The following MRPS28 variants were observed in gnomAD, a reference collection of about 807,000 sequenced individuals.
MRPS28 encodes the protein small ribosomal subunit protein bS1m.
A neutral mutation model predicts 10.8 loss-of-function variants in MRPS28; 7 were observed. The ratio of observed to expected loss-of-function variants is 0.65; its 90% CI spans 0.37 to 1.22. The LOEUF is 1.22. MRPS28 is among the 50% of genes most tolerant of loss of function. The pLI is 0.02. For missense variants in MRPS28, 265 were observed against 232.9 expected, an observed-to-expected ratio of 1.14 and a Z score of -0.90; for synonymous variants, 121 against 93.3, an observed-to-expected ratio of 1.30 and a Z score of -1.71.
intron 2 of MRPS28, among the ~76,000 whole-genome samples, chr8:79,942,892 CTAAAAAA>C (rs1395215624): frequency 6.6e-6 from 1 of 151,784 alleles, no homozygotes; most frequent in African/African-American, 2.4e-5. Context: ...AGGGGAAATT[CTAAAAAA>C]TAAAAAATAA....
intron 1 of MRPS28, among the ~76,000 whole-genome samples, chr8:80,026,159 T>C (rs1014224094): frequency 6.6e-6 from 1 of 152,216 alleles, no homozygotes. Flanking sequence ...TTATTCATCT[T>C]GTAATCTCAC....
intron 2 of MRPS28, among the ~76,000 whole-genome samples, chr8:79,976,363 G>T (rs936810202): frequency 6.6e-6 from 1 of 152,134 alleles, no homozygotes; most frequent in Admixed American, 6.6e-5. Context: ...GATTACAGGC[G>T]TGAGCCACCG....
chr8:79,929,618 C>G (rs1806405281), intron 2 of MRPS28, among the ~76,000 whole-genome samples: 1 of 151,720 alleles, frequency 6.6e-6, no homozygotes, highest in Non-Finnish European at 1.5e-5. Flanking sequence ...GCCCCCACCC[C>G]CCCAAAAGCA....
At chr8:79,969,917 C>A (rs1298627032) in intron 2 of MRPS28, among the ~76,000 whole-genome samples, 1 of 152,150 alleles carries the variant, frequency 6.6e-6, no homozygotes, top group Admixed American at 6.5e-5. Context: ...CAGGAGTCAG[C>A]TCTTCTGCAG....
At chr8:80,027,937 G>A (rs1488323583) in intron 1 of MRPS28, among the ~76,000 whole-genome samples, 2 of 152,160 alleles carry the variant, frequency 1.3e-5, no homozygotes, top group Non-Finnish European at 2.9e-5. Flanking sequence ...GAGCTGGACT[G>A]AGAAAATCTA....
chr8:79,984,306 G>T (rs1808078045), intron 2 of MRPS28, among the ~76,000 whole-genome samples: 1 of 152,220 alleles, frequency 6.6e-6, no homozygotes, highest in Non-Finnish European at 1.5e-5. Flanking sequence ...ACCAGTACTA[G>T]CTACTGCATA....
chr8:79,954,197 G>A (rs1363459176), intron 2 of MRPS28, among the ~76,000 whole-genome samples: 1 of 151,990 alleles, frequency 6.6e-6, no homozygotes, highest in East Asian at 1.9e-4. Flanking sequence ...AGGCAATAGT[G>A]AGACCTCACC....
intron 1 of MRPS28, among the ~76,000 whole-genome samples, chr8:80,018,583 C>CA (rs1809269251): frequency 6.6e-6 from 1 of 151,998 alleles, no homozygotes; most frequent in Admixed American, 6.6e-5. Flanking sequence ...TGAAGTTCCA[C>CA]AAAAAACAAA....
chr8:80,028,664 C>CGGGGGGGGG (rs1278468176), intron 1 of MRPS28: 78 of 7,042 alleles, frequency 0.011, no homozygotes, highest in Admixed American at 0.021. Context: ...GGGGCGGGGC[C>CGGGGGGGGG]GGGCGGGGTC....
intron 2 of MRPS28, among the ~76,000 whole-genome samples, chr8:79,944,334 T>C (rs777045741): frequency 1.3e-5 from 2 of 152,218 alleles, no homozygotes; most frequent in African/African-American, 4.8e-5. Context: ...CTCCCTTACA[T>C]GACCCCTTTC....
chr8:79,983,140 C>T (rs1346081584), intron 2 of MRPS28, among the ~76,000 whole-genome samples: 1 of 152,120 alleles, frequency 6.6e-6, no homozygotes, highest in Non-Finnish European at 1.5e-5. Context: ...CTGCAGCCAC[C>T]GCTGCTGGTA....
intron 2 of MRPS28, among the ~76,000 whole-genome samples, chr8:79,942,477 C>A (rs1387319293): frequency 6.6e-6 from 1 of 152,148 alleles, no homozygotes; most frequent in Non-Finnish European, 1.5e-5. Flanking sequence ...ATTTTATCCC[C>A]AAATTTCTGA....
intron 2 of MRPS28, among the ~76,000 whole-genome samples, chr8:79,992,614 A>G (rs2130126022): frequency 6.6e-6 from 1 of 152,298 alleles, no homozygotes; most frequent in Middle Eastern, 3.4e-3. Context: ...ACAGTTTTTA[A>G]AAACTGCATT....
chr8:79,978,348 C>G (rs1393727412), intron 2 of MRPS28, among the ~76,000 whole-genome samples: 1 of 150,350 alleles, frequency 6.7e-6, no homozygotes, highest in Non-Finnish European at 1.5e-5. Context: ...TTTTTTTTTT[C>G]CCTGATAAAC....
intron 2 of MRPS28, among the ~76,000 whole-genome samples, chr8:79,968,050 C>T (rs1262266504): frequency 6.6e-6 from 1 of 152,078 alleles, no homozygotes; most frequent in Non-Finnish European, 1.5e-5. Flanking sequence ...TCCCTATCTC[C>T]TTCCTGCTTA....
At chr8:79,959,490 A>G (rs2129998966) in intron 2 of MRPS28, among the ~76,000 whole-genome samples, 1 of 152,266 alleles carries the variant, frequency 6.6e-6, no homozygotes, top group South Asian at 2.1e-4. Flanking sequence ...TTTAAAAGTT[A>G]GATTTCATTC....
At position 79,919,092 on chromosome 8, in the gene MRPS28, G is replaced by C; in HGVS notation, c.452C>G (p.Ser151Cys). Residue 151 changes from serine to cysteine, a missense_variant, in exon 3 of 3, where the codon TCT becomes TGT. Coordinates refer to ENST00000276585, the MANE Select transcript of MRPS28 (RefSeq NM_014018.3). The part of the protein sequence containing the change: ...RLRLLDLELT[S>C]RFLGATTDTT... Reference sequence around the variant, plus strand: ...ATCTGTTGTTGCTCCCAGGAACCTAGACGTAAGTTCAAGATCTAATAGCCG... The same window carrying C: ...ATCTGTTGTTGCTCCCAGGAACCTACACGTAAGTTCAAGATCTAATAGCCG... 6.2e-7 allele frequency: 1 copy of C among 1,610,270 alleles called. No homozygotes were observed. Among genetic ancestry groups the C allele is most frequent in the Non-Finnish European group, 8.5e-7 (1 of 1,178,368 alleles).
At chr8:79,947,629 G>GTTTTTTTTT (rs767221360) in intron 2 of MRPS28, among the ~76,000 whole-genome samples, 3 of 109,220 alleles carry the variant, frequency 2.7e-5, no homozygotes, top group African/African-American at 7.8e-5. Context: ...AATATATTAA[G>GTTTTTTTTT]TTTTTTTTTT....
At chr8:80,011,690 T>C (rs548124643) in intron 1 of MRPS28, among the ~76,000 whole-genome samples, 1 of 151,688 alleles carries the variant, frequency 6.6e-6, no homozygotes, top group Non-Finnish European at 1.5e-5. Context: ...GAGGCGGAGG[T>C]TGCAGTGAGC....
Sources: gnomAD v4.1 joint callset for allele counts (sites outside exome capture counted in the v4.1 genomes callset) on GRCh38, gnomAD v4.1.1 for gene constraint, MANE v1.5 for transcripts, NCBI Gene and HGNC (gene_info 2026-07-23, HGNC 2026-07-21) for gene names.